SLC22A8: variants seen among roughly 807,000 people sequenced by gnomAD.
The protein encoded by SLC22A8 is solute carrier family 22 member 8, also known as organic anion transporter 3.
SLC22A8 carries 40 observed loss-of-function variants against 48.4 expected under a neutral mutation model. That is an observed-to-expected ratio of 0.83 (90% CI 0.64 to 1.08). The LOEUF is 1.08. SLC22A8 is among the 50% of genes least tolerant of loss of function. The pLI, the probability that SLC22A8 is intolerant of heterozygous loss-of-function variation, is 0.00. For missense variants in SLC22A8, 606 were observed against 699.0 expected (o/e 0.87, Z 1.50); for synonymous variants, 268 against 286.3 (o/e 0.94, Z 0.65).
intron 8 of SLC22A8, 198 bp from the exon 9 acceptor site, chr11:62,994,076 A>G: frequency 3.3e-6 from 2 of 597,546 alleles, no homozygotes; most frequent in South Asian, 2.0e-5. Context: ...ATTTCCATTT[A>G]TATTTTGTTG....
Position 62,994,542 on chromosome 11 carries a change from C to A in SLC22A8, c.1216G>T (p.Asp406Tyr), listed in dbSNP as rs1227646919. The change falls in exon 8 of 11, where the codon GAC becomes TAC. Residue 406 changes from aspartate to tyrosine, a missense_variant and splice_region_variant. Coordinates refer to ENST00000336232, the MANE Select transcript of SLC22A8 (RefSeq NM_004254.4). ...AILALTFVPL[D>Y]LQTVRTVLAV... ...TTCTGGGGTAGCCCCAGTCTCTCAC[C>A]CAAGGGCACAAAGGTGAGAGCCAAG... The A allele has an allele frequency of 6.2e-7, 1 of 1,600,278 alleles. No homozygotes were observed. The highest frequency in any genetic ancestry group is 8.5e-7 in the Non-Finnish European group (1 of 1,172,410).
In SLC22A8 at chr11:62,993,557, T is replaced by C; in HGVS notation, c.1396A>G (p.Thr466Ala). 1 of 1,614,022 alleles carries C rather than the reference T, an allele frequency of 6.2e-7. No homozygotes were observed. The highest frequency in any genetic ancestry group is 2.2e-5 in the East Asian group (1 of 44,874). ...GGGATGAAGGGCTGTACCTCACCCG[T>C]GATTTTCACCAGCGGGGACACCATG... ...GSMVSPLVKITGEVQPFIPNI... is the reference protein window; with the variant it reads ...GSMVSPLVKIAGEVQPFIPNI... The change falls in exon 10 of 11, where the codon ACG (threonine) becomes GCG (alanine). Residue 466 changes from threonine (T) to alanine (A), a missense_variant. Coordinates refer to ENST00000336232, the MANE Select transcript of SLC22A8 (RefSeq NM_004254.4).
chr11:62,999,188 T>C, intron 4 of SLC22A8, 99 bp from the exon 5 acceptor site: 1 of 1,044,258 alleles, frequency 9.6e-7, no homozygotes, highest in Non-Finnish European at 1.5e-6. Context: ...GCTACTGACA[T>C]CCTCCCCACG....
Position 62,993,684 on chromosome 11 carries a change from C to A in SLC22A8, c.1326-57G>T, listed in dbSNP as rs564471642. ...TGTGTGTGGGGTTCATAAAGGATGGCTCCCCTGGGTAGAGGACAGGACAAT... is the reference window on the plus strand; with the variant it reads ...TGTGTGTGGGGTTCATAAAGGATGGATCCCCTGGGTAGAGGACAGGACAAT... On this transcript the variant is annotated intron_variant, in intron 9 of 10. Transcript: ENST00000336232. 5 of 1,596,756 alleles carry A rather than the reference C, an allele frequency of 3.1e-6. No homozygotes were observed. In the South Asian group the frequency reaches 5.5e-5, roughly 18 times the overall value.
intron 2 of SLC22A8, among the ~76,000 whole-genome samples, chr11:63,009,441 G>A (rs1198446515): frequency 6.6e-6 from 1 of 152,096 alleles, no homozygotes; most frequent in African/African-American, 2.4e-5. Flanking sequence ...GCCCAGAGAC[G>A]AAGCCCAGGG....
intron 8 of SLC22A8, 54 bp downstream of exon 8, chr11:62,994,488 C>T (rs957790590): frequency 7.1e-7 from 1 of 1,407,904 alleles, no homozygotes; most frequent in East Asian, 2.5e-5. Flanking sequence ...AAGTCCCTGG[C>T]ACCCAACCTG....
At chr11:63,000,427 T>G (rs2086478693) in intron 3 of SLC22A8, among the ~76,000 whole-genome samples, 1 of 143,396 alleles carries the variant, frequency 7.0e-6, no homozygotes, top group African/African-American at 2.7e-5. Flanking sequence ...GAGGTTGCAG[T>G]GAGCTGAGAT....
At chr11:63,006,292 T>C (rs186842732) in intron 2 of SLC22A8, among the ~76,000 whole-genome samples, 1 of 152,300 alleles carries the variant, frequency 6.6e-6, no homozygotes, top group African/African-American at 2.4e-5. Context: ...TTGGTGCTGG[T>C]TATGATCCCC....
chr11:63,013,762 G>C (rs867785481), intron 2 of SLC22A8, among the ~76,000 whole-genome samples: 1 of 152,130 alleles, frequency 6.6e-6, no homozygotes, highest in Non-Finnish European at 1.5e-5. Context: ...GGAGCATCAC[G>C]TTGGAATCAA....
In SLC22A8 at chr11:62,998,981, T is replaced by C. The variant is rs750843213; in HGVS notation, c.701A>G (p.Gln234Arg). 3 of 1,613,856 alleles carry C rather than the reference T, an allele frequency of 1.9e-6. No homozygotes were observed. The South Asian group carries it at 3.3e-5, about 18-fold the overall frequency. ...CACAGTTAACTGCAGCCAACGCCAC[T>C]GGGGGATGGCGTAGGCCAGGCCGGG... Reference protein sequence around the residue: ...ILPGLAYAIPQWRWLQLTVSI... With the variant: ...ILPGLAYAIPRWRWLQLTVSI... The change falls in exon 5 of 11, where the codon CAG (glutamine) becomes CGG (arginine). Residue 234 changes from glutamine to arginine, a missense_variant. By Grantham distance (43) the Gln-to-Arg change is conservative. Coordinates refer to ENST00000336232, the MANE Select transcript of SLC22A8 (RefSeq NM_004254.4).
At chr11:63,010,921 G>A (rs1409896621) in intron 2 of SLC22A8, among the ~76,000 whole-genome samples, 2 of 152,200 alleles carry the variant, frequency 1.3e-5, no homozygotes, top group African/African-American at 4.8e-5. Flanking sequence ...AGTGAGCGGT[G>A]TCTACATCCC....
At chr11:62,999,935 G>C (rs1590692888) in intron 3 of SLC22A8, 93 bp from the exon 4 acceptor site, 1 of 1,111,824 alleles carries the variant, frequency 9.0e-7, no homozygotes. Context: ...GGCTGAATCC[G>C]ACCCCCAACC....
Position 62,993,824 on chromosome 11 carries a change from C to T in SLC22A8, c.1271G>A (p.Ser424Asn). 6.2e-7 allele frequency: 1 copy of T among 1,613,956 alleles called. No homozygotes were observed. Among genetic ancestry groups the T allele is most frequent in the East Asian group, 2.2e-5 (1 of 44,876 alleles). The change falls in exon 9 of 11, where the codon AGC becomes AAC. Residue 424 changes from serine (S) to asparagine (N), a missense_variant. By Grantham distance (46) the Ser-to-Asn change is conservative. Transcript: ENST00000336232. ...LAVFGKGCLS[S>N]SFSCLFLYTS... ...GTAGAGGAAGAGGCAGCTGAAGGAG[C>T]TGGATAGGCATCCCTTCCCAAACAC...
intron 2 of SLC22A8, among the ~76,000 whole-genome samples, chr11:63,006,595 G>GGTTTTTTTTT (rs2086557104): frequency 3.9e-5 from 2 of 51,402 alleles, no homozygotes; most frequent in African/African-American, 1.6e-4. Context: ...TCTCATTTGA[G>GGTTTTTTTTT]TTTTTTTTTT....
At chr11:63,012,417 C>T (rs1263985836) in intron 2 of SLC22A8, among the ~76,000 whole-genome samples, 2 of 152,178 alleles carry the variant, frequency 1.3e-5, no homozygotes, top group Non-Finnish European at 2.9e-5. Flanking sequence ...AGCTACTGCG[C>T]CCGGCCTTTC....
At chr11:63,001,651 C>G (rs904758288) in intron 2 of SLC22A8, among the ~76,000 whole-genome samples, 1 of 152,182 alleles carries the variant, frequency 6.6e-6, no homozygotes, top group Non-Finnish European at 1.5e-5. Context: ...TCCCAGGGCT[C>G]TTCCTGAATC....
intron 7 of SLC22A8, chr11:62,995,259 AG>A (rs767871807): frequency 2.1e-5 from 5 of 240,246 alleles, no homozygotes; most frequent in Non-Finnish European, 3.3e-5. Context: ...AAGGGCTTTC[AG>A]GGAGCAGGAG....
intron 2 of SLC22A8, among the ~76,000 whole-genome samples, chr11:63,009,575 G>A (rs111761667): frequency 4.1e-4 from 62 of 152,304 alleles, no homozygotes; most frequent in African/African-American, 1.3e-3. Flanking sequence ...TCCAGAATTC[G>A]TGTTCCCATG....
intron 1 of SLC22A8, among the ~76,000 whole-genome samples, chr11:63,015,307 A>G (rs1310555572): frequency 2.0e-5 from 3 of 152,146 alleles, no homozygotes. Context: ...GAGCTCGGGT[A>G]TGTGTTGTGA....
Sources: allele counts gnomAD v4.1 joint callset (sites outside exome capture counted in the v4.1 genomes callset), GRCh38; gene constraint gnomAD v4.1.1; transcripts MANE v1.5; gene names NCBI Gene and HGNC (gene_info 2026-07-23, HGNC 2026-07-21).